Variants in AGFG2 observed in about 807,000 individuals in gnomAD.
AGFG2 encodes arf-GAP domain and FG repeat-containing protein 2.
AGFG2 carries 31 observed loss-of-function variants against 48.0 expected under a neutral mutation model. The ratio of observed to expected loss-of-function variants is 0.65; its 90% CI spans 0.49 to 0.87. The LOEUF is 0.87. AGFG2 is among the 40% of genes least tolerant of loss of function. AGFG2 has a pLI of 0.00. For synonymous variants in AGFG2, 229 were observed against 260.8 expected, an observed-to-expected ratio of 0.88 and a Z score of 1.18; for missense variants, 599 against 632.6, an observed-to-expected ratio of 0.95 and a Z score of 0.57.
At position 100,562,864 on chromosome 7, in the gene AGFG2, C is replaced by G. The variant is rs996482400; in HGVS notation, c.1089C>G (p.Ala363=). Reference sequence around the variant, plus strand: ...CCGCTCCCCATTCCACCTGGGCAGCCTTCACTAACCCTTTCACAGCTCCCG... The same window carrying G: ...CCGCTCCCCATTCCACCTGGGCAGCGTTCACTAACCCTTTCACAGCTCCCG... ...GGSSTGLAFG[A]FTNPFTAPAA... is the part of the protein sequence containing the mutation. The change falls in exon 9 of 12, where the codon GCC becomes GCG. Residue 363 remains alanine, a splice_region_variant and synonymous_variant. Transcript: ENST00000300176. The surrounding 1 kb of genome is among the most constrained non-coding windows in gnomAD (Gnocchi z 5.4). The G allele has an allele frequency of 3.1e-6, 5 of 1,614,054 alleles. No individual in the cohort carries two copies. The highest frequency in any genetic ancestry group is 4.2e-6 in the Non-Finnish European group (5 of 1,179,914).
intron 1 of AGFG2, among the ~76,000 whole-genome samples, chr7:100,544,524 G>A (rs1800476621): frequency 6.6e-6 from 1 of 152,068 alleles, no homozygotes; most frequent in South Asian, 2.1e-4. Flanking sequence ...GGTTGGAGAG[G>A]TACACATGTA....
At chr7:100,545,736 G>A (rs1201759683) in intron 1 of AGFG2, among the ~76,000 whole-genome samples, 1 of 152,172 alleles carries the variant, frequency 6.6e-6, no homozygotes, top group African/African-American at 2.4e-5. Context: ...TGGGAGAGCT[G>A]GGCCTGTTTA....
intron 6 of AGFG2, among the ~76,000 whole-genome samples, chr7:100,560,271 C>T (rs1002046273): frequency 9.2e-5 from 14 of 152,188 alleles, no homozygotes; most frequent in African/African-American, 3.4e-4. Context: ...CTTCCTCTTC[C>T]AGGTTCAAGT....
At chr7:100,553,020 G>A (rs891368015) in intron 3 of AGFG2, among the ~76,000 whole-genome samples, 26 of 152,226 alleles carry the variant, frequency 1.7e-4, no homozygotes, top group Admixed American at 7.2e-4. Flanking sequence ...ATGGTAGCAT[G>A]TACTTGTTTG....
intron 9 of AGFG2, among the ~76,000 whole-genome samples, chr7:100,563,526 T>C (rs1800927501): frequency 6.6e-6 from 1 of 152,186 alleles, no homozygotes. Context: ...ATTTTAGAGA[T>C]GAGAACTGAA....
chr7:100,557,678 G>T (rs1042392445), intron 6 of AGFG2, among the ~76,000 whole-genome samples: 1 of 152,136 alleles, frequency 6.6e-6, no homozygotes, highest in African/African-American at 2.4e-5. Flanking sequence ...CAAGTGATCC[G>T]CCTGCCTTGG....
At chr7:100,547,528 G>A (rs1163454041) in intron 1 of AGFG2, among the ~76,000 whole-genome samples, 1 of 152,116 alleles carries the variant, frequency 6.6e-6, no homozygotes, top group Non-Finnish European at 1.5e-5. Flanking sequence ...AGTGAGGGTA[G>A]TAGACCTAGA....
chr7:100,556,903 A>G (rs1045481795), intron 6 of AGFG2, among the ~76,000 whole-genome samples: 1 of 152,178 alleles, frequency 6.6e-6, no homozygotes, highest in African/African-American at 2.4e-5. Context: ...AACATTTTAT[A>G]TTGATAAAAG....
At chr7:100,550,731 T>G (rs1393907127) in intron 3 of AGFG2, among the ~76,000 whole-genome samples, 1 of 152,116 alleles carries the variant, frequency 6.6e-6, no homozygotes, top group African/African-American at 2.4e-5. Flanking sequence ...TTTGGAGAGA[T>G]AGTAGACTGA....
intron 1 of AGFG2, among the ~76,000 whole-genome samples, chr7:100,544,892 C>T (rs1458026077): frequency 6.6e-6 from 1 of 151,968 alleles, no homozygotes; most frequent in Non-Finnish European, 1.5e-5. Context: ...TGAGGAGGAA[C>T]AAAGGAAATG....
chr7:100,554,534 T>C (rs1223064445), intron 5 of AGFG2, among the ~76,000 whole-genome samples: 7 of 152,182 alleles, frequency 4.6e-5, no homozygotes, highest in Non-Finnish European at 5.9e-5. Context: ...TCTGTTAAAA[T>C]GGGAGGAGGG....
intron 1 of AGFG2, among the ~76,000 whole-genome samples, chr7:100,543,050 GAGA>G (rs1800450900): frequency 6.6e-6 from 1 of 152,116 alleles, no homozygotes; most frequent in East Asian, 1.9e-4. Context: ...ATGATGCAAA[GAGA>G]AGAAATATTA....
intron 3 of AGFG2, among the ~76,000 whole-genome samples, chr7:100,551,729 C>CA (rs539393251): frequency 6.5e-4 from 97 of 149,114 alleles, no homozygotes; most frequent in African/African-American, 2.2e-3. Context: ...ACTAAAAATA[C>CA]AAAAAAAATT....
Position 100,561,531 on chromosome 7 carries a change from G to C in AGFG2, c.878-728G>C, listed in dbSNP as rs1052626378. Among the ~76,000 whole-genome samples the C allele has an allele frequency of 2.0e-5, 3 of 152,222 alleles. No individual in the cohort carries two copies. The South Asian group carries it at 6.2e-4, about 31-fold the overall frequency. On this transcript the variant is annotated intron_variant, in intron 6 of 11. Transcript: ENST00000300176. Reference sequence around the variant, plus strand: ...CGAGACTTTGATGTGCAGACAGGAGGCTTTCTTAAAATGACAGGGACTCAG... The same window carrying C: ...CGAGACTTTGATGTGCAGACAGGAGCCTTTCTTAAAATGACAGGGACTCAG...
At chr7:100,554,395 G>A in intron 5 of AGFG2, 137 bp downstream of exon 5, 2 of 1,099,320 alleles carry the variant, frequency 1.8e-6, no homozygotes, top group Non-Finnish European at 2.5e-6. Flanking sequence ...CAGTGAGGCT[G>A]GGAGGACTGG....
At chr7:100,544,469 G>T (rs1257045107) in intron 1 of AGFG2, among the ~76,000 whole-genome samples, 2 of 152,118 alleles carry the variant, frequency 1.3e-5, no homozygotes, top group Non-Finnish European at 2.9e-5. Flanking sequence ...TGGGAGGAAA[G>T]GTACAGTATG....
intron 2 of AGFG2, among the ~76,000 whole-genome samples, chr7:100,549,271 C>T (rs1402229679): frequency 6.6e-6 from 1 of 152,152 alleles, no homozygotes; most frequent in Non-Finnish European, 1.5e-5. Flanking sequence ...CCTTCAGCCT[C>T]GACAACCTGG....
rs776729640 is a variant in AGFG2 at position 100,563,886 on chromosome 7, A to C, written c.1224A>C (p.Pro408=). ...GGCCTGGCTTCCCCCAGGCAGTGCC[A>C]CCCACTGGGGCCTTTGCCAGCTCCT... ...SAGPGFPQAV[P]PTGAFASSFP... is the part of the protein sequence containing the mutation. The change falls in exon 10 of 12, where the codon CCA becomes CCC. Residue 408 remains proline, a synonymous_variant. Transcript: ENST00000300176. 1.2e-6 allele frequency: 2 copies of C among 1,610,586 alleles called. No homozygotes were observed. Among genetic ancestry groups the C allele is most frequent in the Non-Finnish European group, 8.5e-7 (1 of 1,179,990 alleles).
chr7:100,556,895 C>T (rs553768942), intron 6 of AGFG2, among the ~76,000 whole-genome samples: 19 of 152,214 alleles, frequency 1.2e-4, no homozygotes, highest in Non-Finnish European at 1.6e-4. Context: ...TAAGAAGAAA[C>T]ATTTTATATT....
Sources: allele counts gnomAD v4.1 joint callset (sites outside exome capture counted in the v4.1 genomes callset), GRCh38; gene constraint gnomAD v4.1.1; non-coding constraint Gnocchi (gnomAD v3.1); transcripts MANE v1.5; gene names NCBI Gene and HGNC (gene_info 2026-07-23, HGNC 2026-07-21).